The following ELAVL4 variants were observed in gnomAD, a reference collection of about 807,000 sequenced individuals.
The protein encoded by ELAVL4 is ELAV like RNA binding protein 4, also known as ELAV-like protein 4.
A neutral mutation model predicts 35.6 loss-of-function variants in ELAVL4; 1 was observed. That is an observed-to-expected ratio of 0.03 (90% CI 0.01 to 0.13). The LOEUF is 0.13. ELAVL4 is among the 10% of genes least tolerant of loss of function. The pLI, the probability that ELAVL4 is intolerant of heterozygous loss-of-function variation, is 1.00. For synonymous variants in ELAVL4, 156 were observed against 171.0 expected, an observed-to-expected ratio of 0.91 and a Z score of 0.69; for missense variants, 267 against 464.9, an observed-to-expected ratio of 0.57 and a Z score of 3.91.
intron 2 of ELAVL4, among the ~76,000 whole-genome samples, chr1:50,148,445 G>A (rs879337605): frequency 6.6e-6 from 1 of 152,196 alleles, no homozygotes; most frequent in African/African-American, 2.4e-5. Context: ...CTCAGCCTTT[G>A]TCTTCCTTCA....
chr1:50,115,925 G>A (rs1307541176), intron 1 of ELAVL4, among the ~76,000 whole-genome samples: 1 of 152,150 alleles, frequency 6.6e-6, no homozygotes, highest in African/African-American at 2.4e-5. Flanking sequence ...TGGAGATGAA[G>A]TTAGGGTGAG....
At chr1:50,194,481 T>A (rs1683132328) in intron 4 of ELAVL4, among the ~76,000 whole-genome samples, 1 of 152,198 alleles carries the variant, frequency 6.6e-6, no homozygotes, top group South Asian at 2.1e-4. Context: ...TCAGGTACTC[T>A]GGGTTGCACT....
At chr1:50,157,235 G>C (rs1337660282) in intron 2 of ELAVL4, among the ~76,000 whole-genome samples, 1 of 152,086 alleles carries the variant, frequency 6.6e-6, no homozygotes, top group African/African-American at 2.4e-5. Flanking sequence ...GACTTTTGGT[G>C]GATCAAGCCA....
At chr1:50,087,445 T>C (rs534678276) in intron 1 of ELAVL4, among the ~76,000 whole-genome samples, 2 of 152,324 alleles carry the variant, frequency 1.3e-5, no homozygotes, top group South Asian at 4.1e-4. Flanking sequence ...AGACTATGTC[T>C]TCTAGATTGT....
At chr1:50,120,769 G>A (rs185745539) in intron 1 of ELAVL4, among the ~76,000 whole-genome samples, 1 of 152,118 alleles carries the variant, frequency 6.6e-6, no homozygotes, top group Non-Finnish European at 1.5e-5. Flanking sequence ...AGCAGTAGGA[G>A]GAAAAATATC....
chr1:50,127,550 G>C (rs1028836164), intron 1 of ELAVL4, among the ~76,000 whole-genome samples: 1 of 152,116 alleles, frequency 6.6e-6, no homozygotes, highest in Admixed American at 6.6e-5. Context: ...ACTGCATCTG[G>C]AACTTTGTTT....
chr1:50,056,107 A>G (rs933270477), intron 1 of ELAVL4, among the ~76,000 whole-genome samples: 1 of 152,138 alleles, frequency 6.6e-6, no homozygotes, highest in Non-Finnish European at 1.5e-5. Flanking sequence ...TTCTGATAGT[A>G]AAGGTCTTTT....
intron 3 of ELAVL4, among the ~76,000 whole-genome samples, chr1:50,185,605 G>T (rs182996864): frequency 6.6e-6 from 1 of 152,280 alleles, no homozygotes; most frequent in African/African-American, 2.4e-5. Flanking sequence ...CTGGAAAATG[G>T]AACTAATGAT....
intron 1 of ELAVL4, among the ~76,000 whole-genome samples, chr1:50,088,566 C>T (rs958325860): frequency 1.3e-5 from 2 of 152,128 alleles, no homozygotes; most frequent in African/African-American, 2.4e-5. Flanking sequence ...CAAATATTAA[C>T]GAATATTTAA....
intron 3 of ELAVL4, among the ~76,000 whole-genome samples, 164 bp from the exon 4 acceptor site, chr1:50,193,601 C>T (rs1683004613): frequency 6.6e-6 from 1 of 152,114 alleles, no homozygotes; most frequent in Non-Finnish European, 1.5e-5. Context: ...TCCTGGTTCT[C>T]ATTACTATTA....
rs1202804089 is a variant in ELAVL4, at chr1:50,197,375, A to C, written c.735-54A>C. The C allele has an allele frequency of 2.0e-6, 3 of 1,528,028 alleles. No individual in the cohort carries two copies. In the African/African-American group the frequency reaches 4.3e-5, roughly 22 times the overall value. The allele number at this position is 1,528,028 out of a possible 1,614,324, so 94.7% of individuals were successfully genotyped here. On this transcript the variant is annotated intron_variant, in intron 5 of 6. Coordinates refer to ENST00000371824, the MANE Select transcript of ELAVL4 (RefSeq NM_001144774.3). ...AGCATTCTTATTAATAGTTCCATTG[A>C]GCGATCTTGCCATCTGTGAGGCATT... is the stretch of plus-strand genomic sequence containing the variant.
intron 2 of ELAVL4, among the ~76,000 whole-genome samples, chr1:50,165,768 A>ATATATGTGTG (rs1289912430): frequency 2.0e-5 from 3 of 149,374 alleles, no homozygotes; most frequent in African/African-American, 5.0e-5. Context: ...ATATGTGTGT[A>ATATATGTGTG]TATGTGTGTA....
upstream of ELAVL4, among the ~76,000 whole-genome samples, chr1:50,107,124 C>G (rs182213162): frequency 1.5e-4 from 23 of 152,244 alleles, no homozygotes; most frequent in Admixed American, 7.2e-4. Context: ...GGCACACATA[C>G]CTACTCTGTG....
chr1:50,069,285 T>C (rs1664405420), intron 1 of ELAVL4, among the ~76,000 whole-genome samples: 1 of 152,192 alleles, frequency 6.6e-6, no homozygotes, highest in Non-Finnish European at 1.5e-5. Flanking sequence ...TGGACCTCTC[T>C]GGCCTCTATT....
chr1:50,191,839 G>T (rs1682707769), intron 3 of ELAVL4, among the ~76,000 whole-genome samples: 1 of 152,180 alleles, frequency 6.6e-6, no homozygotes, highest in African/African-American at 2.4e-5. Flanking sequence ...TGTTTTGAGG[G>T]AGCACAAATG....
intron 1 of ELAVL4, among the ~76,000 whole-genome samples, chr1:50,083,369 A>G (rs1314846301): frequency 6.6e-6 from 1 of 152,126 alleles, no homozygotes; most frequent in African/African-American, 2.4e-5. Context: ...CAGGCATTCT[A>G]TAAGACTTTT....
At chr1:50,072,300 G>A (rs1431892140) in intron 1 of ELAVL4, among the ~76,000 whole-genome samples, 1 of 152,186 alleles carries the variant, frequency 6.6e-6, no homozygotes, top group Non-Finnish European at 1.5e-5. Flanking sequence ...TGTCCATCTT[G>A]TGAAGGAGAC....
At chr1:50,163,276 A>G (rs1677121970) in intron 2 of ELAVL4, among the ~76,000 whole-genome samples, 1 of 152,086 alleles carries the variant, frequency 6.6e-6, no homozygotes, top group South Asian at 2.1e-4. Context: ...ACTATACTCT[A>G]CTATCACTGA....
intron 2 of ELAVL4, among the ~76,000 whole-genome samples, chr1:50,166,965 A>G (rs1222012033): frequency 2.0e-5 from 3 of 152,216 alleles, no homozygotes; most frequent in African/African-American, 7.2e-5. Flanking sequence ...CCTCTAGGCC[A>G]GCAGAACGTG....
Sources: allele counts gnomAD v4.1 joint callset (sites outside exome capture counted in the v4.1 genomes callset), GRCh38; gene constraint gnomAD v4.1.1; transcripts MANE v1.5; gene names NCBI Gene and HGNC (gene_info 2026-07-23, HGNC 2026-07-21).